The following DCAF1 variants were observed in gnomAD, a reference collection of about 807,000 sequenced individuals.
DCAF1 encodes the protein DDB1- and CUL4-associated factor 1.
DCAF1 carries 15 observed loss-of-function variants against 128.0 expected under a neutral mutation model. The observed-to-expected ratio is 0.12, with a 90% CI of 0.08 to 0.18. The LOEUF (loss-of-function observed/expected upper bound fraction) is 0.18, where lower values mean the gene tolerates loss of function less well. Ranked by LOEUF, DCAF1 falls within the 10% of genes least tolerant of loss-of-function variation. DCAF1 has a pLI of 1.00. For missense variants in DCAF1, 988 were observed against 1,649.5 expected (o/e 0.60, Z 6.95); for synonymous variants, 610 against 603.0 (o/e 1.01, Z -0.17).
chr3:51,456,893 C>T (rs1225033266), intron 6 of DCAF1, among the ~76,000 whole-genome samples: 1 of 152,074 alleles, frequency 6.6e-6, no homozygotes, highest in East Asian at 1.9e-4. Context: ...AAAGGACATC[C>T]ACACCAAAAA....
At chr3:51,408,753 A>G (rs1259436428) in intron 23 of DCAF1, among the ~76,000 whole-genome samples, 1 of 152,204 alleles carries the variant, frequency 6.6e-6, no homozygotes, top group East Asian at 1.9e-4. Flanking sequence ...TAAATCAAAC[A>G]TCTCTAAATC....
intron 6 of DCAF1, among the ~76,000 whole-genome samples, chr3:51,451,512 G>A (rs576375783): frequency 6.6e-6 from 1 of 152,048 alleles, no homozygotes; most frequent in Admixed American, 6.6e-5. Context: ...TGTAATCCCA[G>A]CACTATGGGA....
intron 4 of DCAF1, among the ~76,000 whole-genome samples, chr3:51,468,210 C>T (rs1350046377): frequency 3.3e-5 from 5 of 152,168 alleles, no homozygotes; most frequent in South Asian, 2.1e-4. Context: ...CTTGTTCTGT[C>T]GCCAAGGCTG....
At chr3:51,483,591 G>A (rs1230467503) in intron 3 of DCAF1, 128 bp downstream of exon 3, 1 of 633,594 alleles carries the variant, frequency 1.6e-6, no homozygotes, top group African/African-American at 1.9e-5. Context: ...ACCAATTTTT[G>A]CTTCTTTTTA....
Position 51,420,494 on chromosome 3 carries a change from C to T in DCAF1, c.2476G>A (p.Asp826Asn), listed in dbSNP as rs782405702. The T allele has an allele frequency of 6.2e-7, 1 of 1,613,976 alleles. No individual in the cohort carries two copies. ...TTCTGCAGTCGTGCTAGGGAAACAT[C>T]AGTGCCAATGAGAAGTGGTTTTCCT... ...VSGKPLLIGT[D>N]VSLARLQKAD... The change falls in exon 15 of 25, where the codon GAT becomes AAT. Residue 826 changes from aspartate (D) to asparagine (N), a missense_variant. By Grantham distance (23) the Asp-to-Asn change is conservative (BLOSUM62 1). Transcript: ENST00000684031. This position sits in a 1 kb window ranked among gnomAD's most constrained non-coding sequence, Gnocchi z 6.5.
intron 3 of DCAF1, among the ~76,000 whole-genome samples, chr3:51,483,030 T>A (rs1706428534): frequency 6.7e-6 from 1 of 149,150 alleles, no homozygotes; most frequent in South Asian, 2.1e-4. Flanking sequence ...TCCCAGCTAC[T>A]CAGGAGGCTG....
chr3:51,451,069 C>CT (rs1167474829), intron 6 of DCAF1, among the ~76,000 whole-genome samples: 566 of 27,096 alleles, frequency 0.021, 257 homozygotes, highest in Middle Eastern at 0.056. Context: ...AAAGGAAATT[C>CT]TTTTTTTTTT....
chr3:51,404,861 C>T (rs545256521), intron 23 of DCAF1, among the ~76,000 whole-genome samples: 2 of 152,170 alleles, frequency 1.3e-5, no homozygotes, highest in African/African-American at 4.8e-5. Flanking sequence ...AAGCATTCAC[C>T]CGCCTCAAAG....
intron 3 of DCAF1, among the ~76,000 whole-genome samples, chr3:51,472,884 C>T (rs1553648927): frequency 6.8e-6 from 1 of 147,782 alleles, no homozygotes; most frequent in African/African-American, 2.5e-5. Flanking sequence ...AGGCTGGTCT[C>T]GAACTCCTGA....
In DCAF1 at chr3:51,483,741, C is replaced by T; in HGVS notation, c.88G>A (p.Asp30Asn). The change falls in exon 3 of 25, where the codon GAC becomes AAC. Residue 30 changes from aspartate to asparagine, a missense_variant. Physicochemically the swap from Asp to Asn is conservative, Grantham distance 23. Coordinates refer to ENST00000684031, the MANE Select transcript of DCAF1 (RefSeq NM_001387579.1). ...TACCTGGTAAGGATAGGTACCATGTCCTGCCCACTGCCATGTTCCTTTTCC... is the reference window on the plus strand; with the variant it reads ...TACCTGGTAAGGATAGGTACCATGTTCTGCCCACTGCCATGTTCCTTTTCC... ...QWEKEHGSGQDMVPILTRMSQ... is the reference protein window; with the variant it reads ...QWEKEHGSGQNMVPILTRMSQ... 6.2e-7 allele frequency: 1 copy of T among 1,613,518 alleles called. No homozygotes were observed. The highest frequency in any genetic ancestry group is 8.5e-7 in the Non-Finnish European group (1 of 1,179,792).
Position 51,443,556 on chromosome 3 carries a change from C to T in DCAF1, c.513+210G>A, listed in dbSNP as rs969586141. ...AATGAGCCAAGATTGCATCACTGCA[C>T]TCCAACCCGGGCAACAAAGCAAGAC... On this transcript the variant is annotated intron_variant, in intron 7 of 24. Coordinates refer to ENST00000684031, the MANE Select transcript of DCAF1 (RefSeq NM_001387579.1). 6.6e-5 allele frequency among the ~76,000 whole-genome samples: 10 copies of T among 151,298 alleles called. No individual in the cohort carries two copies. In the East Asian group the frequency reaches 1.9e-3, roughly 29 times the overall value.
At chr3:51,450,392 A>C (rs1262525185) in intron 6 of DCAF1, among the ~76,000 whole-genome samples, 2 of 152,228 alleles carry the variant, frequency 1.3e-5, no homozygotes, top group Non-Finnish European at 2.9e-5. Context: ...AAATGAATTC[A>C]GCAGCATAAG....
At chr3:51,481,681 C>T (rs969791057) in intron 3 of DCAF1, among the ~76,000 whole-genome samples, 9 of 149,802 alleles carry the variant, frequency 6.0e-5, no homozygotes, top group African/African-American at 2.0e-4. Context: ...AGCAAGACTC[C>T]GTCTCAAAAA....
chr3:51,500,062 C>T (rs1357903682), upstream of DCAF1: 3 of 143,684 alleles, frequency 2.1e-5, no homozygotes, highest in African/African-American at 5.2e-5. Flanking sequence ...CTCGCGCCTA[C>T]TTGGCGCGAG....
At chr3:51,502,717 C>A (rs1025651833), upstream of DCAF1, among the ~76,000 whole-genome samples, 31 of 152,084 alleles carry the variant, frequency 2.0e-4, no homozygotes, top group Middle Eastern at 6.8e-3. Context: ...CCAGCAGCCA[C>A]GCCCTCAGGA....
chr3:51,481,370 G>A (rs1553652792), intron 3 of DCAF1, among the ~76,000 whole-genome samples: 1 of 152,170 alleles, frequency 6.6e-6, no homozygotes, highest in Non-Finnish European at 1.5e-5. Flanking sequence ...AAGGCACACT[G>A]CTTAATGGGC....
At chr3:51,472,350 A>T (rs1553648685) in intron 3 of DCAF1, among the ~76,000 whole-genome samples, 1 of 152,062 alleles carries the variant, frequency 6.6e-6, no homozygotes, top group East Asian at 1.9e-4. Flanking sequence ...TTCTCTCACT[A>T]CAAGTGAGTT....
intron 6 of DCAF1, among the ~76,000 whole-genome samples, chr3:51,457,632 T>C (rs547890003): frequency 1.3e-5 from 2 of 151,902 alleles, no homozygotes; most frequent in South Asian, 4.2e-4. Flanking sequence ...AAAGTTGAAA[T>C]GAAGGAAAAA....
downstream of DCAF1, chr3:51,396,392 C>T (rs2089206767): frequency 6.0e-6 from 1 of 167,510 alleles, no homozygotes; most frequent in African/African-American, 2.4e-5. Flanking sequence ...CTTCCTTTGG[C>T]TCTTAAGACC....
Sources: gnomAD v4.1 joint callset for allele counts (sites outside exome capture counted in the v4.1 genomes callset) on GRCh38, gnomAD v4.1.1 for gene constraint, Gnocchi (gnomAD v3.1) non-coding constraint, MANE v1.5 for transcripts, NCBI Gene and HGNC (gene_info 2026-07-23, HGNC 2026-07-21) for gene names.